The following COX7A2L variants were observed in gnomAD, a reference collection of about 807,000 sequenced individuals.
The protein encoded by COX7A2L is cytochrome c oxidase subunit 7A2 like, also known as cytochrome c oxidase subunit 7A2-like, mitochondrial.
A neutral mutation model predicts 14.2 loss-of-function variants in COX7A2L; 18 were observed. That is an observed-to-expected ratio of 1.27 (90% CI 0.88 to 1.88). COX7A2L has a LOEUF of 1.88. Among genes scored for constraint, COX7A2L ranks in the 40% most tolerant of loss-of-function variants. COX7A2L has a pLI of 0.00. For synonymous variants in COX7A2L, 65 were observed against 57.4 expected (o/e 1.13, Z -0.60); for missense variants, 179 against 138.8 (o/e 1.29, Z -1.46).
intron 2 of COX7A2L, 145 bp from the exon 3 acceptor site, chr2:42,351,504 A>G (rs1670643476): frequency 1.1e-6 from 1 of 946,024 alleles, no homozygotes; most frequent in South Asian, 1.9e-5. Context: ...GAATGCTAGT[A>G]GAAGTTCCTA....
chr2:42,342,674 T>C lies in COX7A2L; in HGVS notation c.193-8805A>G, dbSNP rs1670422516. The stretch of plus-strand genomic sequence containing the variant: ...GCCCTGAGGCACAGCCATGTGACCA[T>C]GACTAATCTATGTCATAGACGAGGT... On this transcript the variant is annotated intron_variant, in intron 2 of 2. Coordinates refer to the COX7A2L transcript ENST00000468711. This position sits in a 1 kb window ranked among gnomAD's most constrained non-coding sequence, Gnocchi z 4.9. Among the ~76,000 whole-genome samples, 1 of 152,288 alleles carries C rather than the reference T, an allele frequency of 6.6e-6. No individual in the cohort carries two copies. The highest frequency in any genetic ancestry group is 3.4e-3 in the Middle Eastern group (1 of 294).
chr2:42,353,935 T>C (rs1312078511), intron 1 of COX7A2L, among the ~76,000 whole-genome samples: 2 of 152,138 alleles, frequency 1.3e-5, no homozygotes, highest in African/African-American at 4.8e-5. Context: ...TACTGACACA[T>C]GCTACAACAC....
intron 2 of COX7A2L, among the ~76,000 whole-genome samples, chr2:42,341,709 T>C (rs1233227286): frequency 1.3e-5 from 2 of 152,336 alleles, no homozygotes; most frequent in East Asian, 3.9e-4. Flanking sequence ...CAAAGGCTGC[T>C]CTGTGTAACT....
At chr2:42,365,178 T>C (rs531362888), upstream of COX7A2L, among the ~76,000 whole-genome samples, 98 of 152,326 alleles carry the variant, frequency 6.4e-4, 1 homozygote, top group African/African-American at 2.2e-3. Context: ...GTCTTATGCA[T>C]AGAATGAAAG....
chr2:42,355,543 A>T (rs1670788296), intron 1 of COX7A2L, among the ~76,000 whole-genome samples: 1 of 152,186 alleles, frequency 6.6e-6, no homozygotes, highest in South Asian at 2.1e-4. Flanking sequence ...AATACCAACC[A>T]TCTTAATTTT....
rs767437943 is a variant in COX7A2L, at chr2:42,339,791, T to G, written c.193-5922A>C. On this transcript the variant is annotated intron_variant, in intron 2 of 2. Transcript: ENST00000468711. The surrounding 1 kb of genome is among the most constrained non-coding windows in gnomAD (Gnocchi z 5.4). Reference sequence around the variant, plus strand: ...TGTCAGGGACTCCCACAGGGCAGCCTCGACTCTGCCCTCCTGTCGCCACTG... The same window carrying G: ...TGTCAGGGACTCCCACAGGGCAGCCGCGACTCTGCCCTCCTGTCGCCACTG... 1.2e-4 allele frequency among the ~76,000 whole-genome samples: 19 copies of G among 152,140 alleles called. No homozygotes were observed. The highest frequency in any genetic ancestry group is 4.1e-4 in the South Asian group (2 of 4,824).
intron 2 of COX7A2L, among the ~76,000 whole-genome samples, chr2:42,351,610 T>C (rs542393260): frequency 7.9e-5 from 12 of 152,324 alleles, no homozygotes; most frequent in East Asian, 3.9e-4. Flanking sequence ...AAGACATTTA[T>C]CACATATTGC....
At chr2:42,344,895 C>T (rs933153251), downstream of COX7A2L, among the ~76,000 whole-genome samples, 2 of 151,760 alleles carry the variant, frequency 1.3e-5, no homozygotes, top group East Asian at 1.9e-4. Context: ...GAGCTGGTTC[C>T]GGTTTCCATG....
At chr2:42,367,965 T>C (rs1289615539) in intron 1 of COX7A2L, among the ~76,000 whole-genome samples, 1 of 152,262 alleles carries the variant, frequency 6.6e-6, no homozygotes, top group East Asian at 1.9e-4. Flanking sequence ...TCTATTTTAA[T>C]TTAAACCATG....
At chr2:42,356,353 T>C (rs2103900901) in intron 1 of COX7A2L, among the ~76,000 whole-genome samples, 1 of 152,342 alleles carries the variant, frequency 6.6e-6, no homozygotes, top group South Asian at 2.1e-4. Flanking sequence ...TATGTTTTAC[T>C]TTGCTTACTG....
chr2:42,346,816 T>A (rs113902533), downstream of COX7A2L, among the ~76,000 whole-genome samples: 1,895 of 152,336 alleles, frequency 0.012, 38 homozygotes, highest in African/African-American at 0.042. Context: ...ATATCTTTTT[T>A]AAAAAAATGT....
rs554943350 is a variant in COX7A2L, at chr2:42,343,958, G to A, written c.192+9254C>T. On this transcript the variant is annotated intron_variant, in intron 2 of 2. Coordinates refer to the COX7A2L transcript ENST00000468711. Reference sequence around the variant, plus strand: ...GGATGAAGGGGCCGAGAAGGAGAGCGAAAGCTAGTCAGACCCTGAAAGGGA... The same window carrying A: ...GGATGAAGGGGCCGAGAAGGAGAGCAAAAGCTAGTCAGACCCTGAAAGGGA... 2.6e-5 allele frequency among the ~76,000 whole-genome samples: 4 copies of A among 152,300 alleles called. No homozygotes were observed. The South Asian group carries it at 6.2e-4, about 24-fold the overall frequency.
At chr2:42,348,443 G>A (rs565137539), downstream of COX7A2L, among the ~76,000 whole-genome samples, 3 of 152,200 alleles carry the variant, frequency 2.0e-5, no homozygotes, top group South Asian at 2.1e-4. Context: ...CTGACATAAC[G>A]AGGACACCAT....
intron 2 of COX7A2L, chr2:42,352,991 C>A: frequency 1.7e-6 from 1 of 589,010 alleles, no homozygotes; most frequent in Non-Finnish European, 2.9e-6. Flanking sequence ...ACCCTCACAC[C>A]CTTAAATACT....
At chr2:42,340,754 G>A (rs1393002338) in intron 2 of COX7A2L, among the ~76,000 whole-genome samples, 5 of 152,058 alleles carry the variant, frequency 3.3e-5, no homozygotes, top group Admixed American at 6.5e-5. Flanking sequence ...TCACCTTCCC[G>A]GGGCCTGGCC....
At chr2:42,337,887 G>C (rs979464599) in intron 2 of COX7A2L, among the ~76,000 whole-genome samples, 3 of 152,224 alleles carry the variant, frequency 2.0e-5, no homozygotes, top group Non-Finnish European at 4.4e-5. Flanking sequence ...ACCAGTCAGA[G>C]GAGGCAGTGC....
intron 2 of COX7A2L, 123 bp downstream of exon 2, chr2:42,353,089 G>C: frequency 8.4e-7 from 1 of 1,191,842 alleles, no homozygotes; most frequent in Non-Finnish European, 1.2e-6. Context: ...AAAATCAAGA[G>C]AATACTACTT....
downstream of COX7A2L, among the ~76,000 whole-genome samples, chr2:42,347,307 CTTTTTTT>C (rs10718452): frequency 7.4e-6 from 1 of 135,052 alleles, no homozygotes; most frequent in Non-Finnish European, 1.6e-5. Context: ...AAACCAGCAC[CTTTTTTT>C]TTTTTTTTTT....
chr2:42,355,274 G>C (rs927049360), intron 1 of COX7A2L, among the ~76,000 whole-genome samples: 3 of 152,186 alleles, frequency 2.0e-5, no homozygotes, highest in Non-Finnish European at 4.4e-5. Flanking sequence ...GGTTTGAACT[G>C]GATGGAGAAT....
Sources: allele counts gnomAD v4.1 joint callset (sites outside exome capture counted in the v4.1 genomes callset), GRCh38; gene constraint gnomAD v4.1.1; non-coding constraint Gnocchi (gnomAD v3.1); transcripts MANE v1.5; gene names NCBI Gene and HGNC (gene_info 2026-07-23, HGNC 2026-07-21).